The following CLMP variants were observed in gnomAD, a reference collection of about 807,000 sequenced individuals.
The protein encoded by CLMP is CXADR like cell adhesion molecule, also known as CXADR-like membrane protein.
A neutral mutation model predicts 45.2 loss-of-function variants in CLMP; 27 were observed. The observed-to-expected ratio is 0.60, with a 90% CI of 0.44 to 0.82. The LOEUF (loss-of-function observed/expected upper bound fraction) is 0.82, where lower values mean the gene tolerates loss of function less well. Among genes scored for constraint, CLMP ranks in the 40% least tolerant of loss-of-function variants. The pLI, the probability that CLMP is intolerant of heterozygous loss-of-function variation, is 0.00. For synonymous variants in CLMP, 167 were observed against 171.4 expected (o/e 0.97, Z 0.20); for missense variants, 403 against 448.4 (o/e 0.90, Z 0.91).
chr11:123,071,924 C>G lies in CLMP; in HGVS notation c.*1550G>C, dbSNP rs902807912. The stretch of plus-strand genomic sequence containing the variant: ...TTTCTTCTCCCATTCATCAACTCTT[C>G]AGCAGCTATCCTGGTGAGTTATTTT... On this transcript the variant is annotated 3_prime_UTR_variant, in exon 7 of 7. Coordinates refer to ENST00000448775, the MANE Select transcript of CLMP (RefSeq NM_024769.5). 1.3e-5 allele frequency: 2 copies of G among 152,238 alleles called. No individual in the cohort carries two copies. The highest frequency in any genetic ancestry group is 2.9e-5 in the Non-Finnish European group (2 of 68,048). The allele number at this position is 152,238 out of a possible 1,614,324, so 9.4% of individuals were successfully genotyped here. A position where few individuals can be genotyped will look rare whatever the true frequency, so the allele number is the denominator to read the frequency against.
Position 123,190,828 on chromosome 11 carries a change from A to G in CLMP, c.28+4085T>C, listed in dbSNP as rs138120871. On this transcript the variant is annotated intron_variant, in intron 1 of 6. Coordinates refer to ENST00000448775, the MANE Select transcript of CLMP (RefSeq NM_024769.5). ...GCAGCTGTGATCTTGAAGCTTAAGT[A>G]CATGAGCTGAAAAGGAAGGAGAGAC... Among the ~76,000 whole-genome samples the G allele has an allele frequency of 3.6e-3, 544 of 152,376 alleles. 3 individuals are homozygous for G. The highest frequency in any genetic ancestry group is 0.012 in the African/African-American group (499 of 41,592).
In CLMP at chr11:123,073,141, TC is replaced by T. The variant is rs1865692900; in HGVS notation, c.*332del. 4.9e-6 allele frequency: 1 copy of T among 204,008 alleles called. No individual in the cohort carries two copies. Among genetic ancestry groups the T allele is most frequent in the Admixed American group, 5.5e-5 (1 of 18,126 alleles). 12.6% of individuals were successfully genotyped at this position (204,008 alleles called of 1,614,324 possible). ...TGAATCAAAGCACTGATACAAAATA[TC>T]CCACATTAAAAGTTTTAGGTATATT... On this transcript the variant is annotated 3_prime_UTR_variant, in exon 7 of 7. Transcript: ENST00000448775.
At chr11:123,099,498 A>G (rs1252519563) in intron 1 of CLMP, among the ~76,000 whole-genome samples, 3 of 152,260 alleles carry the variant, frequency 2.0e-5, no homozygotes, top group Non-Finnish European at 2.9e-5. Flanking sequence ...TTAGAAACAG[A>G]GTATGTAAAT....
At chr11:123,133,836 C>T (rs1861026935) in intron 1 of CLMP, among the ~76,000 whole-genome samples, 1 of 152,054 alleles carries the variant, frequency 6.6e-6, no homozygotes, top group South Asian at 2.1e-4. Flanking sequence ...GCTGTCTCCC[C>T]CAGCTTATTA....
chr11:123,092,381 T>G (rs1865941315), intron 2 of CLMP, among the ~76,000 whole-genome samples: 2 of 151,396 alleles, frequency 1.3e-5, no homozygotes. Flanking sequence ...CACTGCAACC[T>G]CCACCTCCCG....
chr11:123,073,838 T>C, intron 6 of CLMP, 64 bp from the exon 7 acceptor site: 1 of 1,500,458 alleles, frequency 6.7e-7, no homozygotes, highest in Non-Finnish European at 8.9e-7. Flanking sequence ...GTATGATTGC[T>C]TCCTTCTGAG....
chr11:123,154,220 C>A (rs1861381403), intron 1 of CLMP, among the ~76,000 whole-genome samples: 1 of 152,136 alleles, frequency 6.6e-6, no homozygotes, highest in Non-Finnish European at 1.5e-5. Context: ...CAGGTAGGCT[C>A]AAGGATGACT....
chr11:123,138,523 C>A (rs1205927692), intron 1 of CLMP, among the ~76,000 whole-genome samples: 1 of 152,108 alleles, frequency 6.6e-6, no homozygotes, highest in Non-Finnish European at 1.5e-5. Context: ...CAGAGATCTA[C>A]TTTCTGATAG....
chr11:123,171,606 G>A (rs1423266489), intron 1 of CLMP, among the ~76,000 whole-genome samples: 5 of 151,760 alleles, frequency 3.3e-5, no homozygotes, highest in Non-Finnish European at 5.9e-5. Flanking sequence ...CAACACAGCC[G>A]GCCAATTTTT....
At chr11:123,152,078 A>G (rs1369587453) in intron 1 of CLMP, among the ~76,000 whole-genome samples, 1 of 152,154 alleles carries the variant, frequency 6.6e-6, no homozygotes, top group Non-Finnish European at 1.5e-5. Flanking sequence ...TCAATTTCCT[A>G]TAATAATCAT....
chr11:123,106,429 G>A lies in CLMP; in HGVS notation c.29-8477C>T, dbSNP rs553325123. ...TGTGTGTGTGTGTGTGTGTGTGCGC[G>A]CGCGCGCGCGCACGTGCCTGCCTTC... On this transcript the variant is annotated intron_variant, in intron 1 of 6. Coordinates refer to ENST00000448775, the MANE Select transcript of CLMP (RefSeq NM_024769.5). Among the ~76,000 whole-genome samples, 52 of 72,570 alleles carry A rather than the reference G, an allele frequency of 7.2e-4. 1 individual carries two copies. The East Asian group carries it at 0.025, about 35-fold the overall frequency. 47.6% of individuals were successfully genotyped at this position (72,570 alleles called of 152,430 possible).
chr11:123,094,601 T>A (rs1865969338), intron 2 of CLMP, among the ~76,000 whole-genome samples: 1 of 152,192 alleles, frequency 6.6e-6, no homozygotes, highest in African/African-American at 2.4e-5. Context: ...TCTCACTCTG[T>A]TGCTCAGGCC....
chr11:123,144,549 T>C (rs1861210926), intron 1 of CLMP, among the ~76,000 whole-genome samples: 1 of 152,160 alleles, frequency 6.6e-6, no homozygotes, highest in Admixed American at 6.5e-5. Context: ...TTTGTATTTT[T>C]AGTAGAGACG....
At chr11:123,083,367 A>ATTT (rs1370525266) in intron 4 of CLMP, among the ~76,000 whole-genome samples, 160 bp from the exon 5 acceptor site, 2 of 152,132 alleles carry the variant, frequency 1.3e-5, no homozygotes, top group African/African-American at 4.8e-5. Context: ...AAAGGTAAAC[A>ATTT]TTTTTTTTAA....
Position 123,071,124 on chromosome 11 carries a change from A to C in CLMP, c.*2350T>G, listed in dbSNP as rs1409382457. 6.6e-6 allele frequency: 1 copy of C among 152,032 alleles called. No individual in the cohort carries two copies. Among genetic ancestry groups the C allele is most frequent in the Non-Finnish European group, 1.5e-5 (1 of 68,024 alleles). 9.4% of individuals were successfully genotyped at this position (152,032 alleles called of 1,614,324 possible). ...AGCATCAATTTTTTTCTTTCCTCTA[A>C]CCTGCTCTTCTTTTAAAAAGTATTC... On this transcript the variant is annotated 3_prime_UTR_variant, in exon 7 of 7. Transcript: ENST00000448775.
intron 1 of CLMP, chr11:123,136,357 T>C (rs1861070604): frequency 1.8e-6 from 1 of 567,426 alleles, no homozygotes; most frequent in Non-Finnish European, 3.4e-6. Flanking sequence ...CACTTTCATA[T>C]TCTTGGGGAG....
chr11:123,150,714 C>T (rs1324245983), intron 1 of CLMP, among the ~76,000 whole-genome samples: 1 of 152,110 alleles, frequency 6.6e-6, no homozygotes, highest in Non-Finnish European at 1.5e-5. Flanking sequence ...AAAGTCATGA[C>T]TTCTTTTTTT....
At chr11:123,080,083 TTAAAA>T (rs915542058) in intron 5 of CLMP, among the ~76,000 whole-genome samples, 12 of 152,166 alleles carry the variant, frequency 7.9e-5, no homozygotes, top group South Asian at 4.1e-4. Context: ...GTTTCCTCAC[TTAAAA>T]TAAAACATAA....
rs537025867 is a variant in CLMP, at chr11:123,117,232, T to C, written c.29-19280A>G. Among the ~76,000 whole-genome samples the C allele has an allele frequency of 2.0e-3, 308 of 152,076 alleles. 3 individuals carry two copies. Among genetic ancestry groups the C allele is most frequent in the African/African-American group, 6.6e-3 (273 of 41,532 alleles). On this transcript the variant is annotated intron_variant, in intron 1 of 6. Coordinates refer to ENST00000448775, the MANE Select transcript of CLMP (RefSeq NM_024769.5). ...CACTGTGCACTAAGGGATATAAATA[T>C]ATATGTATATATATAATTTCATTTA...
Sources: allele counts gnomAD v4.1 joint callset (sites outside exome capture counted in the v4.1 genomes callset), GRCh38; gene constraint gnomAD v4.1.1; transcripts MANE v1.5; gene names NCBI Gene and HGNC (gene_info 2026-07-23, HGNC 2026-07-21).